The following MAD1L1 variants were observed in gnomAD, a reference collection of about 807,000 sequenced individuals.
MAD1L1 encodes the protein mitotic spindle assembly checkpoint protein MAD1.
Under a neutral mutation model 96.9 loss-of-function variants are expected in MAD1L1, and 95 were observed. That is an observed-to-expected ratio of 0.98 (90% CI 0.83 to 1.16). The LOEUF (loss-of-function observed/expected upper bound fraction) is 1.16, where lower values mean the gene tolerates loss of function less well. Among genes scored for constraint, MAD1L1 ranks in the 50% most tolerant of loss-of-function variants. The pLI, the probability that MAD1L1 is intolerant of heterozygous loss-of-function variation, is 0.00. For missense variants in MAD1L1, 1,007 were observed against 954.4 expected (o/e 1.06, Z -0.73); for synonymous variants, 473 against 396.6 (o/e 1.19, Z -2.29).
At chr7:2,000,138 C>T (rs1172577999) in intron 14 of MAD1L1, among the ~76,000 whole-genome samples, 1 of 152,078 alleles carries the variant, frequency 6.6e-6, no homozygotes, top group African/African-American at 2.4e-5. Flanking sequence ...GAGACTCCCA[C>T]ACTTCACCCT....
At chr7:1,938,904 C>G (rs1778776772) in intron 16 of MAD1L1, among the ~76,000 whole-genome samples, 1 of 125,334 alleles carries the variant, frequency 8.0e-6, no homozygotes, top group African/African-American at 3.4e-5. Flanking sequence ...CAGAGGCGCG[C>G]ACACACACAC....
intron 12 of MAD1L1, among the ~76,000 whole-genome samples, chr7:2,038,602 T>TCCGCC (rs1783546342): frequency 6.8e-6 from 1 of 146,966 alleles, no homozygotes; most frequent in Non-Finnish European, 1.5e-5. Context: ...AACCTCCGCC[T>TCCGCC]TCTGGGTTCA....
At chr7:2,010,596 C>T (rs1024860319) in intron 13 of MAD1L1, among the ~76,000 whole-genome samples, 1 of 152,220 alleles carries the variant, frequency 6.6e-6, no homozygotes, top group Admixed American at 6.5e-5. Flanking sequence ...GGCAAAACTT[C>T]ACCAGACGGG....
At chr7:2,116,942 G>A (rs934736419) in intron 11 of MAD1L1, among the ~76,000 whole-genome samples, 36 of 152,328 alleles carry the variant, frequency 2.4e-4, no homozygotes, top group African/African-American at 8.2e-4. Context: ...ACAAGTGAAG[G>A]CCCACAGCAA....
intron 14 of MAD1L1, 121 bp downstream of exon 14, chr7:2,001,944 A>G: frequency 9.8e-7 from 1 of 1,020,438 alleles, no homozygotes; most frequent in Non-Finnish European, 1.5e-6. Flanking sequence ...GCAGCTTCCG[A>G]CGACAGAAGA....
rs546015097 is a variant in MAD1L1, at chr7:2,004,995, C to T, written c.1360-2874G>A. ...AGCCAAGGAGCCCTGAACTCAGACT[C>T]GCGCACTGGTCTCGGGTACCTGGGC... On this transcript the variant is annotated intron_variant, in intron 13 of 18. Transcript: ENST00000265854. 3.3e-4 allele frequency among the ~76,000 whole-genome samples: 50 copies of T among 152,306 alleles called. No homozygotes were observed. The South Asian group carries it at 6.6e-3, about 20-fold the overall frequency.
chr7:2,150,011 C>T (rs116545011), intron 10 of MAD1L1, among the ~76,000 whole-genome samples: 23 of 152,350 alleles, frequency 1.5e-4, no homozygotes, highest in African/African-American at 5.3e-4. Flanking sequence ...GAGGACCCAT[C>T]CTTGTTCTTC....
In MAD1L1 at chr7:1,987,317, G is replaced by A. The variant is rs192492418; in HGVS notation, c.1417-6776C>T. Among the ~76,000 whole-genome samples, 1,195 of 152,354 alleles carry A rather than the reference G, an allele frequency of 7.8e-3. 12 individuals carry two copies. The highest frequency in any genetic ancestry group is 9.7e-3 in the Non-Finnish European group (662 of 68,034). ...TTGCCAGCACAGAACCTGGCACACA[G>A]TCGGTGCTTGGACGGGCACACGGGT... is the stretch of plus-strand genomic sequence containing the variant. On this transcript the variant is annotated intron_variant, in intron 14 of 18. Transcript: ENST00000265854.
intron 12 of MAD1L1, among the ~76,000 whole-genome samples, chr7:2,036,353 G>A (rs1210729276): frequency 6.6e-6 from 1 of 152,128 alleles, no homozygotes; most frequent in Non-Finnish European, 1.5e-5. Flanking sequence ...CCAGGCATGA[G>A]CGCAGGAGCG....
At chr7:2,000,531 C>T (rs1781746393) in intron 14 of MAD1L1, among the ~76,000 whole-genome samples, 1 of 152,204 alleles carries the variant, frequency 6.6e-6, no homozygotes. Flanking sequence ...CCTGCCTGCC[C>T]CACCATTTCC....
At chr7:1,897,391 C>T (rs577822187) in intron 18 of MAD1L1, among the ~76,000 whole-genome samples, 1 of 152,220 alleles carries the variant, frequency 6.6e-6, no homozygotes, top group Non-Finnish European at 1.5e-5. Context: ...GCCCCCTCCA[C>T]CCTTCCTGAA....
chr7:2,052,295 A>G (rs969996663), intron 12 of MAD1L1, among the ~76,000 whole-genome samples: 1 of 152,238 alleles, frequency 6.6e-6, no homozygotes, highest in Non-Finnish European at 1.5e-5. Context: ...AACAGAGCAC[A>G]GGCAGCGGCG....
chr7:2,218,416 C>T (rs955267943), intron 6 of MAD1L1, among the ~76,000 whole-genome samples: 1 of 152,244 alleles, frequency 6.6e-6, no homozygotes, highest in African/African-American at 2.4e-5. Flanking sequence ...ATGACCTCTC[C>T]TCTCTACTAC....
At chr7:1,933,208 G>A (rs1421119777) in intron 17 of MAD1L1, among the ~76,000 whole-genome samples, 1 of 152,066 alleles carries the variant, frequency 6.6e-6, no homozygotes, top group Non-Finnish European at 1.5e-5. Context: ...CTCCTCACTA[G>A]GGGAGGGCAC....
intron 10 of MAD1L1, among the ~76,000 whole-genome samples, chr7:2,180,211 G>T (rs1282715864): frequency 6.6e-6 from 1 of 152,202 alleles, no homozygotes; most frequent in Non-Finnish European, 1.5e-5. Flanking sequence ...GTTGCGCACA[G>T]GCTCGGAAAG....
chr7:1,837,519 C>T (rs888291001), intron 18 of MAD1L1, among the ~76,000 whole-genome samples: 1 of 152,214 alleles, frequency 6.6e-6, no homozygotes, highest in South Asian at 2.1e-4. Context: ...ACTTTATTTG[C>T]AACAGCCCCA....
At chr7:2,063,337 C>A (rs895843692) in intron 12 of MAD1L1, among the ~76,000 whole-genome samples, 17 of 152,240 alleles carry the variant, frequency 1.1e-4, no homozygotes, top group Admixed American at 7.2e-4. Flanking sequence ...CAGGCTGTGC[C>A]GGATCCCAGG....
chr7:2,227,625 G>A (rs1268198406), intron 3 of MAD1L1, among the ~76,000 whole-genome samples: 1 of 152,202 alleles, frequency 6.6e-6, no homozygotes, highest in African/African-American at 2.4e-5. Flanking sequence ...AAGTTTCTCT[G>A]TCCTCCCACC....
intron 11 of MAD1L1, among the ~76,000 whole-genome samples, chr7:2,074,939 G>A (rs573656058): frequency 7.2e-5 from 11 of 152,216 alleles, no homozygotes; most frequent in African/African-American, 1.7e-4. Context: ...GTGCTCATTC[G>A]TGGTCAGCCC....
Sources: gnomAD v4.1 joint callset for allele counts (sites outside exome capture counted in the v4.1 genomes callset) on GRCh38, gnomAD v4.1.1 for gene constraint, MANE v1.5 for transcripts, NCBI Gene and HGNC (gene_info 2026-07-23, HGNC 2026-07-21) for gene names.